EDIL3: variants seen among roughly 807,000 people sequenced by gnomAD.
EDIL3 encodes EGF-like repeat and discoidin I-like domain-containing protein 3.
A neutral mutation model predicts 67.4 loss-of-function variants in EDIL3; 37 were observed. The observed-to-expected ratio is 0.55, with a 90% CI of 0.42 to 0.72. The LOEUF is 0.72. Among genes scored for constraint, EDIL3 ranks in the 30% least tolerant of loss-of-function variants. The pLI is 0.00. For missense variants in EDIL3, 527 were observed against 586.3 expected, an observed-to-expected ratio of 0.90 and a Z score of 1.04; for synonymous variants, 195 against 196.3, an observed-to-expected ratio of 0.99 and a Z score of 0.05.
At chr5:84,143,926 A>ATCATCAT (rs997054428) in intron 4 of EDIL3, among the ~76,000 whole-genome samples, 7 of 152,030 alleles carry the variant, frequency 4.6e-5, no homozygotes, top group African/African-American at 1.7e-4. Flanking sequence ...TAACCTTGGG[A>ATCATCAT]TCATCATGTA....
intron 2 of EDIL3, among the ~76,000 whole-genome samples, chr5:84,243,211 A>G (rs920608075): frequency 6.6e-6 from 1 of 151,912 alleles, no homozygotes; most frequent in African/African-American, 2.4e-5. Flanking sequence ...CTGCCCACAC[A>G]CTTCAGTGTT....
At chr5:84,351,823 A>G (rs1747367582) in intron 1 of EDIL3, among the ~76,000 whole-genome samples, 1 of 152,120 alleles carries the variant, frequency 6.6e-6, no homozygotes, top group African/African-American at 2.4e-5. Flanking sequence ...TCTGCATACC[A>G]AAAGAAATAA....
At chr5:84,107,681 G>A (rs1039027899) in intron 5 of EDIL3, among the ~76,000 whole-genome samples, 6 of 150,620 alleles carry the variant, frequency 4.0e-5, no homozygotes, top group African/African-American at 1.5e-4. Context: ...TATGTTCTCA[G>A]ATACCAAATG....
Position 84,052,705 on chromosome 5 carries a change from A to T in EDIL3, c.1137+7595T>A, listed in dbSNP as rs544053768. Among the ~76,000 whole-genome samples the T allele has an allele frequency of 2.0e-5, 3 of 152,342 alleles. No individual in the cohort carries two copies. The South Asian group carries it at 6.2e-4, about 32-fold the overall frequency. ...TTTAAACCAACAAAGAGCAAAAGAG[A>T]CAAAGAAGGCCATTACATAACGGTG... On this transcript the variant is annotated intron_variant, in intron 9 of 10. Transcript: ENST00000296591.
At chr5:84,319,491 C>CAAAAAAAAAAAAAAAAAAAAAAAAAAAA (rs1561255911) in intron 1 of EDIL3, among the ~76,000 whole-genome samples, 1 of 3,942 alleles carries the variant, frequency 2.5e-4, no homozygotes, top group African/African-American at 1.1e-3. Context: ...AAACAAAAAA[C>CAAAAAAAAAAAAAAAAAAAAAAAAAAAA]AACAAAAAAA....
intron 1 of EDIL3, among the ~76,000 whole-genome samples, chr5:84,320,593 G>A (rs1746616269): frequency 6.6e-6 from 1 of 152,022 alleles, no homozygotes; most frequent in South Asian, 2.1e-4. Flanking sequence ...CTGATCTGAG[G>A]CTAAGTTAGA....
At chr5:84,137,719 C>A (rs1433496472) in intron 4 of EDIL3, among the ~76,000 whole-genome samples, 4 of 152,078 alleles carry the variant, frequency 2.6e-5, no homozygotes, top group Non-Finnish European at 5.9e-5. Flanking sequence ...GATCGAGAAA[C>A]CTCCCCTGCA....
chr5:84,318,748 CAAAGACTTCATGACTA>C (rs1472474586), intron 1 of EDIL3, among the ~76,000 whole-genome samples: 1 of 152,084 alleles, frequency 6.6e-6, no homozygotes, highest in African/African-American at 2.4e-5. Flanking sequence ...TAGGCATGGG[CAAAGACTTCATGACTA>C]AAACACCAAA....
chr5:84,071,157 GC>G (rs1746734303), intron 6 of EDIL3, among the ~76,000 whole-genome samples: 1 of 152,160 alleles, frequency 6.6e-6, no homozygotes, highest in Admixed American at 6.5e-5. Flanking sequence ...CCTGGTAAGA[GC>G]AGTGTCTAAG....
At chr5:84,203,688 G>A (rs1005047230) in intron 3 of EDIL3, among the ~76,000 whole-genome samples, 2 of 152,058 alleles carry the variant, frequency 1.3e-5, no homozygotes, top group African/African-American at 4.8e-5. Context: ...CACTGTACTC[G>A]CACAAGTGGC....
intron 1 of EDIL3, among the ~76,000 whole-genome samples, chr5:84,367,718 C>T (rs1415121025): frequency 5.9e-5 from 9 of 152,226 alleles, no homozygotes; most frequent in African/African-American, 2.2e-4. Flanking sequence ...AGGAGGCAGA[C>T]ATTTCAGTGA....
At chr5:84,379,584 C>T (rs997911854) in intron 1 of EDIL3, among the ~76,000 whole-genome samples, 2 of 151,980 alleles carry the variant, frequency 1.3e-5, no homozygotes, top group Non-Finnish European at 1.5e-5. Flanking sequence ...GCTTAGAAAT[C>T]GTGGTATAAA....
intron 1 of EDIL3, among the ~76,000 whole-genome samples, chr5:84,337,454 T>C (rs1285308004): frequency 6.6e-6 from 1 of 152,050 alleles, no homozygotes; most frequent in Non-Finnish European, 1.5e-5. Context: ...AGAGTATAGG[T>C]AACTAATAAT....
intron 3 of EDIL3, among the ~76,000 whole-genome samples, chr5:84,218,065 T>A (rs1471811095): frequency 6.6e-6 from 1 of 152,192 alleles, no homozygotes; most frequent in East Asian, 1.9e-4. Flanking sequence ...TCTAGGACTA[T>A]CTTTCAACAT....
intron 5 of EDIL3, among the ~76,000 whole-genome samples, 168 bp from the exon 6 acceptor site, chr5:84,106,998 T>G (rs1747478275): frequency 6.6e-6 from 1 of 152,086 alleles, no homozygotes; most frequent in Non-Finnish European, 1.5e-5. Flanking sequence ...ATTAAGGAAA[T>G]AATTCTTGCT....
At chr5:84,349,661 CGTT>C (rs1368329116) in intron 1 of EDIL3, among the ~76,000 whole-genome samples, 1 of 152,030 alleles carries the variant, frequency 6.6e-6, no homozygotes, top group South Asian at 2.1e-4. Flanking sequence ...TTAAACACCA[CGTT>C]GTTATCTGAC....
At chr5:84,035,755 C>G (rs1371867550) in intron 9 of EDIL3, among the ~76,000 whole-genome samples, 1 of 152,186 alleles carries the variant, frequency 6.6e-6, no homozygotes, top group African/African-American at 2.4e-5. Flanking sequence ...GTAGACACAA[C>G]TAAGTCCTGA....
intron 5 of EDIL3, among the ~76,000 whole-genome samples, chr5:84,121,447 CCTT>C (rs1036610619): frequency 2.1e-4 from 32 of 152,038 alleles, no homozygotes; most frequent in African/African-American, 7.2e-4. Flanking sequence ...ACTACCGCCT[CCTT>C]CTTCTTAATG....
chr5:84,121,392 T>C (rs1747770907), intron 5 of EDIL3, among the ~76,000 whole-genome samples: 1 of 151,994 alleles, frequency 6.6e-6, no homozygotes, highest in Non-Finnish European at 1.5e-5. Context: ...TCCTCTCTTT[T>C]CTCATCTAGC....
Sources: gnomAD v4.1 joint callset for allele counts (sites outside exome capture counted in the v4.1 genomes callset) on GRCh38, gnomAD v4.1.1 for gene constraint, MANE v1.5 for transcripts, NCBI Gene and HGNC (gene_info 2026-07-23, HGNC 2026-07-21) for gene names.